The following XPO7 variants were observed in gnomAD, a reference collection of about 807,000 sequenced individuals.
The protein encoded by XPO7 is exportin-7.
Under a neutral mutation model 144.3 loss-of-function variants are expected in XPO7, and 21 were observed. The observed-to-expected ratio is 0.15, with a 90% CI of 0.10 to 0.21. The LOEUF (loss-of-function observed/expected upper bound fraction) is 0.21. XPO7 is among the 10% of genes least tolerant of loss of function. The pLI is 1.00. For missense variants in XPO7, 808 were observed against 1,325.8 expected (o/e 0.61, Z 6.06); for synonymous variants, 580 against 499.6 (o/e 1.16, Z -2.15).
At chr8:22,003,774 T>C in intron 26 of XPO7, 129 bp from the exon 27 acceptor site, 1 of 1,386,532 alleles carries the variant, frequency 7.2e-7, no homozygotes, top group Non-Finnish European at 9.7e-7. Flanking sequence ...ATTTCTTTTT[T>C]AAGGGTCCAA....
chr8:21,998,954 T>C (rs1373823983), intron 22 of XPO7, 117 bp downstream of exon 22: 4 of 1,422,960 alleles, frequency 2.8e-6, no homozygotes, highest in Non-Finnish European at 3.9e-6. Context: ...ATTCGTATTG[T>C]ATGCTAATAC....
intron 1 of XPO7, among the ~76,000 whole-genome samples, chr8:21,945,580 A>G (rs74959944): frequency 0.021 from 3,245 of 152,316 alleles, 120 homozygotes; most frequent in African/African-American, 0.074. Flanking sequence ...GTTATCTGAA[A>G]ATCCTCCTAC....
At chr8:21,999,775 C>G in intron 24 of XPO7, 101 bp downstream of exon 24, 1 of 1,470,032 alleles carries the variant, frequency 6.8e-7, no homozygotes. Context: ...AAGATCACCA[C>G]TGCCTTGGGG....
In XPO7 at chr8:21,942,664, A is replaced by G. The variant is rs1189584870; in HGVS notation, c.18+22876A>G. Among the ~76,000 whole-genome samples the G allele has an allele frequency of 3.9e-5, 6 of 152,340 alleles. No homozygotes were observed. The South Asian group carries it at 8.3e-4, about 21-fold the overall frequency. On this transcript the variant is annotated intron_variant, in intron 1 of 27. Transcript: ENST00000252512. ...GTGGGTATTCTTCAATACTTCTTCA[A>G]CAAGTGATAGTTTTGTAAAGGTTAA... is the stretch of plus-strand genomic sequence containing the variant.
chr8:21,992,696 G>A (rs958925059), intron 19 of XPO7, among the ~76,000 whole-genome samples: 6 of 152,144 alleles, frequency 3.9e-5, no homozygotes, highest in African/African-American at 1.4e-4. Context: ...TTATAGGCAC[G>A]AGACACGATG....
intron 1 of XPO7, among the ~76,000 whole-genome samples, chr8:21,955,724 C>CTTTTTTTTTTTT (rs71544845): frequency 2.9e-5 from 3 of 102,758 alleles, no homozygotes; most frequent in African/African-American, 8.8e-5. Flanking sequence ...CTGTGCTTAC[C>CTTTTTTTTTTTT]TTTTTTTTTT....
At chr8:21,977,895 A>G (rs1372301060) in intron 8 of XPO7, 52 bp downstream of exon 8, 4 of 1,476,640 alleles carry the variant, frequency 2.7e-6, no homozygotes, top group Non-Finnish European at 2.8e-6. Flanking sequence ...GAAGATAGCA[A>G]TGGTGAATGA....
At chr8:21,941,130 A>G (rs1034904895) in intron 1 of XPO7, among the ~76,000 whole-genome samples, 34 of 123,522 alleles carry the variant, frequency 2.8e-4, no homozygotes, top group Non-Finnish European at 2.9e-4. Context: ...ATCCTCCTAT[A>G]TGCTTTTTTT....
intron 1 of XPO7, among the ~76,000 whole-genome samples, chr8:21,946,590 A>AC (rs1249965885): frequency 2.7e-5 from 4 of 150,534 alleles, no homozygotes; most frequent in African/African-American, 9.8e-5. Context: ...AAAAAACAAA[A>AC]AAAAAAAACA....
At chr8:21,994,291 G>C in intron 19 of XPO7, 72 bp from the exon 20 acceptor site, 1 of 1,132,008 alleles carries the variant, frequency 8.8e-7, no homozygotes, top group Non-Finnish European at 1.3e-6. Flanking sequence ...TGATACATGT[G>C]TGGAATCCTC....
chr8:21,991,987 T>G lies in XPO7; in HGVS notation c.2148+13T>G. ...GCAGGAGGCAAAGGTGAGTGAGTCTTTCACCCAGTAATTAATCAGCTTCTG... is the reference window on the plus strand; with the variant it reads ...GCAGGAGGCAAAGGTGAGTGAGTCTGTCACCCAGTAATTAATCAGCTTCTG... On this transcript the variant is annotated intron_variant, in intron 19 of 27. Transcript: ENST00000252512. 1 of 1,601,840 alleles carries G rather than the reference T, an allele frequency of 6.2e-7. No individual in the cohort carries two copies. Among genetic ancestry groups the G allele is most frequent in the South Asian group, 1.1e-5 (1 of 89,844 alleles).
At chr8:21,932,121 GC>G (rs1210696932) in intron 1 of XPO7, among the ~76,000 whole-genome samples, 1 of 152,084 alleles carries the variant, frequency 6.6e-6, no homozygotes, top group Non-Finnish European at 1.5e-5. Flanking sequence ...TGATCCGCAC[GC>G]CTCCCAAAGT....
At chr8:21,961,332 C>T (rs1811719928) in intron 1 of XPO7, among the ~76,000 whole-genome samples, 1 of 151,744 alleles carries the variant, frequency 6.6e-6, no homozygotes, top group Non-Finnish European at 1.5e-5. Flanking sequence ...GCCTCAGCCT[C>T]TTGCATACTT....
rs201789541 is a variant in XPO7 at position 21,990,301 on chromosome 8, G to A, written c.1869-43G>A. The A allele has an allele frequency of 2.0e-4, 324 of 1,599,252 alleles. No homozygotes were observed. The African/African-American group carries it at 3.5e-3, about 17-fold the overall frequency. On this transcript the variant is annotated intron_variant, in intron 16 of 27. Coordinates refer to ENST00000252512, the MANE Select transcript of XPO7 (RefSeq NM_015024.5). ...AAGTTTCCATCTGCCTTAGAGTTTCGGCCTGCTTCACACTTTCCTTGACCT... is the reference window on the plus strand; with the variant it reads ...AAGTTTCCATCTGCCTTAGAGTTTCAGCCTGCTTCACACTTTCCTTGACCT...
At chr8:21,935,017 A>G (rs1486085283) in intron 1 of XPO7, among the ~76,000 whole-genome samples, 1 of 152,266 alleles carries the variant, frequency 6.6e-6, no homozygotes, top group African/African-American at 2.4e-5. Context: ...TGTTGGAATT[A>G]GGTCATAAGA....
chr8:21,938,654 C>T (rs964092575), intron 1 of XPO7, among the ~76,000 whole-genome samples: 2 of 152,060 alleles, frequency 1.3e-5, no homozygotes, highest in Admixed American at 1.3e-4. Context: ...GACACTAGTA[C>T]ACCCCTAAAC....
intron 8 of XPO7, among the ~76,000 whole-genome samples, chr8:21,978,207 A>G (rs934961740): frequency 3.9e-5 from 6 of 152,206 alleles, no homozygotes; most frequent in African/African-American, 1.4e-4. Context: ...CCTTAGGTGT[A>G]CATTAGATTG....
At chr8:21,990,707 C>A in intron 17 of XPO7, 104 bp from the exon 18 acceptor site, 2 of 1,177,732 alleles carry the variant, frequency 1.7e-6, no homozygotes, top group Non-Finnish European at 2.5e-6. Flanking sequence ...GGAATGACTA[C>A]ATAACCATTG....
In XPO7 at chr8:21,927,230, AAATT is replaced by A. The variant is rs1362635411; in HGVS notation, c.18+7455_18+7458del. On this transcript the variant is annotated intron_variant, in intron 1 of 27. Coordinates refer to ENST00000252512, the MANE Select transcript of XPO7 (RefSeq NM_015024.5). ...AGCAAGACCCCAAGTCTTTTAAAAA[AAATT>A]AATTAATTAATTTAAATTAAATTCA... is the stretch of plus-strand genomic sequence containing the variant. 9.2e-5 allele frequency among the ~76,000 whole-genome samples: 14 copies of A among 152,260 alleles called. No homozygotes were observed. The East Asian group carries it at 2.1e-3, about 23-fold the overall frequency.
Sources: gnomAD v4.1 joint callset for allele counts (sites outside exome capture counted in the v4.1 genomes callset) on GRCh38, gnomAD v4.1.1 for gene constraint, MANE v1.5 for transcripts, NCBI Gene and HGNC (gene_info 2026-07-23, HGNC 2026-07-21) for gene names.